ARHGAP28: variants seen among roughly 807,000 people sequenced by gnomAD.
ARHGAP28 encodes Rho GTPase activating protein 28.
ARHGAP28 carries 56 observed loss-of-function variants against 90.7 expected under a neutral mutation model. The observed-to-expected ratio is 0.62, with a 90% CI of 0.50 to 0.77. ARHGAP28 has a LOEUF of 0.77. Ranked by LOEUF, ARHGAP28 falls within the 30% of genes least tolerant of loss-of-function variation. ARHGAP28 has a pLI of 0.00. For synonymous variants in ARHGAP28, 308 were observed against 323.3 expected (o/e 0.95, Z 0.51); for missense variants, 869 against 900.9 (o/e 0.96, Z 0.45).
At chr18:6,876,020 C>CA in intron 9 of ARHGAP28, 111 bp from the exon 10 acceptor site, 1 of 874,230 alleles carries the variant, frequency 1.1e-6, no homozygotes, top group South Asian at 1.6e-5. Flanking sequence ...AAGTGCCAGG[C>CA]AAATATATAT....
chr18:6,803,138 G>T (rs937958018), intron 1 of ARHGAP28, among the ~76,000 whole-genome samples: 1 of 152,076 alleles, frequency 6.6e-6, no homozygotes, highest in East Asian at 1.9e-4. Flanking sequence ...AATAGAAGTG[G>T]TGAGAGCAAT....
Position 6,876,132 on chromosome 18 carries a change from T to C in ARHGAP28, c.1214T>C (p.Phe405Ser), listed in dbSNP as rs1567978927. 3.1e-6 allele frequency: 5 copies of C among 1,613,302 alleles called. No individual in the cohort carries two copies. The highest frequency in any genetic ancestry group is 4.2e-6 in the Non-Finnish European group (5 of 1,179,294). The change falls in exon 10 of 18, where the codon TTT becomes TCT. Residue 405 changes from phenylalanine to serine, a missense_variant and splice_region_variant. By Grantham distance (155) the Phe-to-Ser change is radical. Coordinates refer to ENST00000383472, the MANE Select transcript of ARHGAP28 (RefSeq NM_001366230.1). The stretch of plus-strand genomic sequence containing the variant: ...TGGTAATATATCATTGCTTTCTAGT[T>C]TTTTGAGAAAGTTGAGGAATCAGGT... ...GVKVPLVLQK[F>S]FEKVEESGLE...
intron 2 of ARHGAP28, among the ~76,000 whole-genome samples, chr18:6,826,683 C>CTTTTTTTTTTTTTTTTTTTTTTTT (rs36069648): frequency 4.5e-5 from 4 of 88,264 alleles, no homozygotes; most frequent in Non-Finnish European, 4.1e-5. Context: ...GGATTTTGAG[C>CTTTTTTTTTTTTTTTTTTTTTTTT]TTTTTTTTTT....
chr18:6,732,754 A>G (rs543017088), intron 1 of ARHGAP28, among the ~76,000 whole-genome samples: 1 of 152,242 alleles, frequency 6.6e-6, no homozygotes, highest in African/African-American at 2.4e-5. Flanking sequence ...AGATTGGCAG[A>G]CCTTGACTCT....
In ARHGAP28 at chr18:6,780,631, G is replaced by A. The variant is rs146109045; in HGVS notation, c.123-44131G>A. On this transcript the variant is annotated intron_variant, in intron 1 of 17. Transcript: ENST00000383472. ...AGGCCAGGTGCGGTGGCTCATGCCT[G>A]TAATCCCAGCACTTTGGTAGGCCAA... is the stretch of plus-strand genomic sequence containing the variant. Among the ~76,000 whole-genome samples, 511 of 152,248 alleles carry A rather than the reference G, an allele frequency of 3.4e-3. 3 individuals carry two copies. The highest frequency in any genetic ancestry group is 0.012 in the African/African-American group (484 of 41,524).
intron 1 of ARHGAP28, among the ~76,000 whole-genome samples, chr18:6,778,421 C>G (rs2056300832): frequency 6.6e-6 from 1 of 152,184 alleles, no homozygotes. Flanking sequence ...GTTGTCCATT[C>G]ATAAGCAGCT....
At chr18:6,826,338 T>C (rs1459046696) in intron 2 of ARHGAP28, among the ~76,000 whole-genome samples, 1 of 152,102 alleles carries the variant, frequency 6.6e-6, no homozygotes, top group Non-Finnish European at 1.5e-5. Context: ...GCTTTTCGCT[T>C]GTTGATTTGT....
chr18:6,816,664 C>T (rs935731545), intron 1 of ARHGAP28, among the ~76,000 whole-genome samples: 7 of 152,102 alleles, frequency 4.6e-5, no homozygotes, highest in Non-Finnish European at 1.0e-4. Flanking sequence ...TTGAGAGCAA[C>T]GTGAAGATAT....
rs929695538 is a variant in ARHGAP28 at position 6,863,919 on chromosome 18, A to T, written c.726+4022A>T. 2.0e-5 allele frequency among the ~76,000 whole-genome samples: 3 copies of T among 151,596 alleles called. No individual in the cohort carries two copies. In the East Asian group the frequency reaches 5.8e-4, roughly 30 times the overall value. ...TTCCTCAGCCTCCTGAGTAGCTGGG[A>T]TTACAGATGCCCGCCACCACACCCA... On this transcript the variant is annotated intron_variant, in intron 5 of 17. Transcript: ENST00000383472.
intron 1 of ARHGAP28, among the ~76,000 whole-genome samples, chr18:6,778,220 G>A (rs1055359409): frequency 5.6e-4 from 85 of 152,246 alleles, no homozygotes; most frequent in African/African-American, 1.9e-3. Flanking sequence ...TTGGCATGTT[G>A]CATTTCTAGT....
intron 4 of ARHGAP28, among the ~76,000 whole-genome samples, chr18:6,851,909 A>G (rs914938732): frequency 2.0e-5 from 3 of 152,078 alleles, no homozygotes; most frequent in Non-Finnish European, 2.9e-5. Context: ...AGGGGAGAGA[A>G]CGAGAGATTC....
chr18:6,804,595 A>G (rs1180456332), intron 1 of ARHGAP28, among the ~76,000 whole-genome samples: 1 of 152,194 alleles, frequency 6.6e-6, no homozygotes, highest in East Asian at 1.9e-4. Flanking sequence ...AATGTCCCAC[A>G]AATTTTGTTA....
At chr18:6,858,686 A>G (rs2143365433) in intron 4 of ARHGAP28, among the ~76,000 whole-genome samples, 1 of 151,766 alleles carries the variant, frequency 6.6e-6, no homozygotes, top group East Asian at 1.9e-4. Context: ...ATGCACCACC[A>G]CACCCGGCTA....
At chr18:6,792,872 A>G (rs978411876) in intron 1 of ARHGAP28, among the ~76,000 whole-genome samples, 9 of 152,180 alleles carry the variant, frequency 5.9e-5, no homozygotes, top group East Asian at 1.9e-4. Context: ...CCTCTTAGCA[A>G]TGGCTCTCAT....
chr18:6,735,189 G>A (rs1263860094), intron 1 of ARHGAP28, among the ~76,000 whole-genome samples: 5 of 152,182 alleles, frequency 3.3e-5, no homozygotes, highest in Admixed American at 3.3e-4. Flanking sequence ...TAAGAAACTT[G>A]CAAAAGTAGT....
intron 1 of ARHGAP28, among the ~76,000 whole-genome samples, chr18:6,786,368 C>G (rs983212022): frequency 1.3e-5 from 2 of 151,758 alleles, no homozygotes; most frequent in African/African-American, 2.4e-5. Flanking sequence ...TATGCCAGTC[C>G]CAAAGGGATA....
intron 1 of ARHGAP28, among the ~76,000 whole-genome samples, chr18:6,819,303 G>A (rs1484295946): frequency 2.6e-5 from 4 of 152,028 alleles, no homozygotes; most frequent in African/African-American, 4.8e-5. Flanking sequence ...ACAGACTACC[G>A]TTCCCACTGT....
intron 17 of ARHGAP28, 103 bp from the exon 18 acceptor site, chr18:6,911,957 A>G (rs111994805): frequency 2.1e-5 from 13 of 627,310 alleles, no homozygotes; most frequent in African/African-American, 1.1e-4. Flanking sequence ...AGAAAACTAT[A>G]TTAACCTTAT....
Position 6,811,756 on chromosome 18 carries a change from A to T in ARHGAP28, c.123-13006A>T, listed in dbSNP as rs537874749. Among the ~76,000 whole-genome samples, 22 of 152,288 alleles carry T rather than the reference A, an allele frequency of 1.4e-4. No individual in the cohort carries two copies. In the South Asian group the frequency reaches 4.6e-3, roughly 32 times the overall value. On this transcript the variant is annotated intron_variant, in intron 1 of 17. Transcript: ENST00000383472. The stretch of plus-strand genomic sequence containing the variant: ...TTTTTAATTCTTCCTGGGATAATAA[A>T]ACCAGAAAATCTTTTGTAAAAGCAT...
Sources: gnomAD v4.1 joint callset for allele counts (sites outside exome capture counted in the v4.1 genomes callset) on GRCh38, gnomAD v4.1.1 for gene constraint, MANE v1.5 for transcripts, NCBI Gene and HGNC (gene_info 2026-07-23, HGNC 2026-07-21) for gene names.